DEAF1: variants seen among roughly 807,000 people sequenced by gnomAD.
DEAF1 encodes deformed epidermal autoregulatory factor 1 homolog.
DEAF1 carries 53 observed loss-of-function variants against 58.9 expected under a neutral mutation model. That is an observed-to-expected ratio of 0.90 (90% CI 0.72 to 1.13). DEAF1 has a LOEUF of 1.13. Among genes scored for constraint, DEAF1 ranks in the 50% most tolerant of loss-of-function variants. The pLI, the probability that DEAF1 is intolerant of heterozygous loss-of-function variation, is 0.00. For synonymous variants in DEAF1, 385 were observed against 340.4 expected, an observed-to-expected ratio of 1.13 and a Z score of -1.44; for missense variants, 685 against 791.4, an observed-to-expected ratio of 0.87 and a Z score of 1.61.
In DEAF1 at chr11:688,650, A is replaced by C. The variant is rs927416175; in HGVS notation, c.388-190T>G. Reference sequence around the variant, plus strand: ...TGAAAACAGAGCCAAGAACAAGAACAGACAATGCCGAAGTCTGTGTGGTGC... The same window carrying C: ...TGAAAACAGAGCCAAGAACAAGAACCGACAATGCCGAAGTCTGTGTGGTGC... On this transcript the variant is annotated intron_variant, in intron 2 of 11. Transcript: ENST00000382409. The surrounding 1 kb of genome is among the most constrained non-coding windows in gnomAD (Gnocchi z 4.3). 6.6e-6 allele frequency among the ~76,000 whole-genome samples: 1 copy of C among 152,188 alleles called. No homozygotes were observed.
At chr11:673,256 G>A (rs1301746987) in intron 10 of DEAF1, among the ~76,000 whole-genome samples, 1 of 152,198 alleles carries the variant, frequency 6.6e-6, no homozygotes, top group Non-Finnish European at 1.5e-5. Flanking sequence ...GCTGGGCATG[G>A]TGGCTCACAT....
At position 670,593 on chromosome 11, in the gene DEAF1, T is replaced by C. The variant is rs142416526; in HGVS notation, c.1503+3943A>G. Among the ~76,000 whole-genome samples, 170 of 151,702 alleles carry C rather than the reference T, an allele frequency of 1.1e-3. 1 individual carries two copies. Among genetic ancestry groups the C allele is most frequent in the African/African-American group, 3.9e-3 (161 of 41,470 alleles). On this transcript the variant is annotated intron_variant, in intron 10 of 11. Coordinates refer to ENST00000382409, the MANE Select transcript of DEAF1 (RefSeq NM_021008.4). ...AGCTGGGCGTGGTTGCACATACCTG[T>C]AATCCCAGCTATCTGGGAAGCTGAG...
rs776751734 is a variant in DEAF1, at chr11:649,962, G to A, written c.1593+4000C>T. On this transcript the variant is annotated intron_variant, in intron 11 of 11. Coordinates refer to ENST00000382409, the MANE Select transcript of DEAF1 (RefSeq NM_021008.4). ...AATCACTTGAACCCGGGACGTTGAG[G>A]TTGCAGTGGGCTGAGATCGTGCCAT... is the stretch of plus-strand genomic sequence containing the variant. Among the ~76,000 whole-genome samples the A allele has an allele frequency of 5.3e-4, 80 of 152,234 alleles. 2 individuals carry two copies. Among genetic ancestry groups the A allele is most frequent in the Non-Finnish European group, 2.5e-4 (17 of 68,022 alleles).
Position 644,393 on chromosome 11 carries a change from T to C in DEAF1, c.*157A>G. 4.4e-6 allele frequency: 3 copies of C among 682,960 alleles called. No individual in the cohort carries two copies. Among genetic ancestry groups the C allele is most frequent in the Non-Finnish European group, 7.9e-6 (3 of 379,270 alleles). 42.3% of individuals were successfully genotyped at this position (682,960 alleles called of 1,614,324 possible). ...GGGGAGTGCGCTTCCCAGGGCACCATTCGCTTAAAGTGTGTTAATGACTTG... is the reference window on the plus strand; with the variant it reads ...GGGGAGTGCGCTTCCCAGGGCACCACTCGCTTAAAGTGTGTTAATGACTTG... On this transcript the variant is annotated 3_prime_UTR_variant, in exon 12 of 12. Transcript: ENST00000382409. This position sits in a 1 kb window ranked among gnomAD's most constrained non-coding sequence, Gnocchi z 4.3.
At chr11:686,511 G>A (rs1047556116) in intron 5 of DEAF1, among the ~76,000 whole-genome samples, 13 of 152,138 alleles carry the variant, frequency 8.5e-5, no homozygotes, top group Non-Finnish European at 1.8e-4. Context: ...CTTTGAAAGG[G>A]TCACACGCAT....
chr11:703,659 C>T lies in DEAF1; in HGVS notation c.-438+2913G>A, dbSNP rs1000101704. ...GACGCAGGATGGGGTAGGCCTTGTG[C>T]TCTGAGCAACCCCAGCTCTGCCTCA... On this transcript the variant is annotated intron_variant, in intron 1 of 11. Transcript: ENST00000683307. 5 of 1,232,524 alleles carry T rather than the reference C, an allele frequency of 4.1e-6. No homozygotes were observed. In the African/African-American group the frequency reaches 6.2e-5, roughly 15 times the overall value. The allele number at this position is 1,232,524 out of a possible 1,614,324, so 76.3% of individuals were successfully genotyped here. A position where few individuals can be genotyped will look rare whatever the true frequency, so the allele number is the denominator to read the frequency against.
Position 656,772 on chromosome 11 carries a change from C to T in DEAF1, c.1504-2721G>A, listed in dbSNP as rs139646587. 2.2e-4 allele frequency among the ~76,000 whole-genome samples: 34 copies of T among 152,348 alleles called. No individual in the cohort carries two copies. In the East Asian group the frequency reaches 5.2e-3, roughly 23 times the overall value. On this transcript the variant is annotated intron_variant, in intron 10 of 11. Coordinates refer to ENST00000382409, the MANE Select transcript of DEAF1 (RefSeq NM_021008.4). ...TGGAGGACAGCACCCCTGAACTGAA[C>T]GGGAAGCCTGTCCTGTTGCCTCGCA...
Position 663,199 on chromosome 11 carries a change from C to A in DEAF1, c.1504-9148G>T, listed in dbSNP as rs1369303353. Among the ~76,000 whole-genome samples, 3 of 152,306 alleles carry A rather than the reference C, an allele frequency of 2.0e-5. No individual in the cohort carries two copies. The East Asian group carries it at 5.8e-4, about 29-fold the overall frequency. ...TGGTGGCTTACGTCTGTAATCCCAG[C>A]ACTTTGGGAGGCCAAGGAGGGTGGA... On this transcript the variant is annotated intron_variant, in intron 10 of 11. Coordinates refer to ENST00000382409, the MANE Select transcript of DEAF1 (RefSeq NM_021008.4).
intron 10 of DEAF1, among the ~76,000 whole-genome samples, chr11:670,641 G>A (rs1005630121): frequency 3.9e-4 from 58 of 149,474 alleles, no homozygotes; most frequent in African/African-American, 1.4e-3. Flanking sequence ...CTTGAACCTG[G>A]GAGATGGAGG....
upstream of DEAF1, chr11:698,070 G>A (rs941455219): frequency 6.6e-6 from 1 of 152,284 alleles, no homozygotes; most frequent in African/African-American, 2.4e-5. Flanking sequence ...TGCAGCTTGA[G>A]CCTCCTTTTA....
rs142519895 is a variant in DEAF1, at chr11:693,078, G to A, written c.290-1480C>T. 8.1e-4 allele frequency among the ~76,000 whole-genome samples: 123 copies of A among 152,288 alleles called. No individual in the cohort carries two copies. In the East Asian group the frequency reaches 9.1e-3, roughly 11 times the overall value. ...TACTTAAACCTGGAAACCACTTGAC[G>A]TCAGCTGTTCGTAATTTTTAAAAAG... On this transcript the variant is annotated intron_variant, in intron 1 of 11. Coordinates refer to ENST00000382409, the MANE Select transcript of DEAF1 (RefSeq NM_021008.4).
intron 9 of DEAF1, among the ~76,000 whole-genome samples, chr11:675,384 A>C (rs4963168): frequency 0.99 from 151,305 of 152,210 alleles, 75,208 homozygotes; most frequent in Middle Eastern, 1. Context: ...AAAGAACTAG[A>C]TGGGCATGGT....
chr11:650,760 C>A (rs1157047244), intron 11 of DEAF1, among the ~76,000 whole-genome samples: 1 of 151,976 alleles, frequency 6.6e-6, no homozygotes, highest in East Asian at 2.0e-4. Context: ...TCGAGACCAG[C>A]CTGGGCAAAA....
chr11:699,054 G>A (rs187465646), upstream of DEAF1: 52 of 799,052 alleles, frequency 6.5e-5, no homozygotes, highest in Admixed American at 4.1e-4. Context: ...TAACTTCCTC[G>A]GATCAGTTCT....
chr11:678,909 A>G lies in DEAF1; in HGVS notation c.1127-87T>C, dbSNP rs564127246. 16 of 1,556,008 alleles carry G rather than the reference A, an allele frequency of 1.0e-5. 1 individual carries two copies. The African/African-American group carries it at 1.4e-4, about 13-fold the overall frequency. ...ATCACGCTGTATGGCTGCGCCATTC[A>G]GTACACATAGTAGCTTATGGCCACA... is the stretch of plus-strand genomic sequence containing the variant. On this transcript the variant is annotated intron_variant, in intron 8 of 11. Transcript: ENST00000382409.
upstream of DEAF1, chr11:698,800 T>A: frequency 6.3e-7 from 1 of 1,580,036 alleles, no homozygotes. Context: ...TTCCTGTCAG[T>A]GTGGAGCGAG....
chr11:672,696 A>C (rs908442027), intron 10 of DEAF1, among the ~76,000 whole-genome samples: 1 of 152,008 alleles, frequency 6.6e-6, no homozygotes, highest in African/African-American at 2.4e-5. Context: ...AAAATACAAA[A>C]AATCAGCCAG....
At chr11:691,738 G>A (rs1860844474) in intron 1 of DEAF1, 140 bp from the exon 2 acceptor site, 2 of 722,252 alleles carry the variant, frequency 2.8e-6, no homozygotes, top group Non-Finnish European at 2.5e-6. Context: ...ACACTTCCAT[G>A]AACACGCTCG....
intron 10 of DEAF1, among the ~76,000 whole-genome samples, chr11:659,415 A>T (rs910752623): frequency 2.6e-5 from 4 of 152,106 alleles, no homozygotes; most frequent in African/African-American, 7.2e-5. Flanking sequence ...ATAATAATAA[A>T]AAAGAAAACC....
Sources: allele counts gnomAD v4.1 joint callset (sites outside exome capture counted in the v4.1 genomes callset), GRCh38; gene constraint gnomAD v4.1.1; non-coding constraint Gnocchi (gnomAD v3.1); transcripts MANE v1.5; gene names NCBI Gene and HGNC (gene_info 2026-07-23, HGNC 2026-07-21).